Variants in PSD3 observed in about 807,000 individuals in gnomAD.
PSD3 encodes pleckstrin and Sec7 domain containing 3.
In PSD3, 49 loss-of-function variants were observed where a neutral mutation model predicts 105.5. That is an observed-to-expected ratio of 0.46 (90% CI 0.37 to 0.59). The LOEUF is 0.59. Ranked by LOEUF, PSD3 falls within the 20% of genes least tolerant of loss-of-function variation. The pLI is 0.00. For synonymous variants in PSD3, 557 were observed against 457.8 expected, an observed-to-expected ratio of 1.22 and a Z score of -2.77; for missense variants, 1,561 against 1,263.8, an observed-to-expected ratio of 1.24 and a Z score of -3.57.
At chr8:18,877,411 T>A (rs1586303545) in intron 2 of PSD3, among the ~76,000 whole-genome samples, 1 of 152,314 alleles carries the variant, frequency 6.6e-6, no homozygotes, top group East Asian at 1.9e-4. Context: ...GAGCTATCTG[T>A]TGAAAAGACT....
intron 1 of PSD3, among the ~76,000 whole-genome samples, chr8:19,038,385 T>A (rs911974747): frequency 3.3e-5 from 5 of 152,178 alleles, no homozygotes; most frequent in African/African-American, 1.2e-4. Context: ...TCAAGAGAAG[T>A]CTTCTTCCTG....
In PSD3 at chr8:18,871,667, C is replaced by T. The variant is rs748034825; in HGVS notation, c.1197G>A (p.Gln399=). ...CTGGTTTAGGTGTCTTCTCAAGATG[C>T]TGTTTGTTTTCCTGTAGGAAGACTT... ...EDEVFLQENK[Q]HLEKTPKPER... is the part of the protein sequence containing the mutation. The change falls in exon 3 of 16, where the codon CAG becomes CAA. Residue 399 remains glutamine, a synonymous_variant. Transcript: ENST00000327040. 16 of 1,612,758 alleles carry T rather than the reference C, an allele frequency of 9.9e-6. No individual in the cohort carries two copies. Among genetic ancestry groups the T allele is most frequent in the Non-Finnish European group, 1.3e-5 (15 of 1,179,484 alleles).
intron 9 of PSD3, among the ~76,000 whole-genome samples, chr8:18,719,885 T>A (rs1297967946): frequency 6.6e-6 from 1 of 152,232 alleles, no homozygotes; most frequent in East Asian, 1.9e-4. Flanking sequence ...ACAATAGTTC[T>A]TTTGTATATC....
chr8:19,060,775 C>G (rs568587741), intron 1 of PSD3, among the ~76,000 whole-genome samples: 6 of 152,252 alleles, frequency 3.9e-5, no homozygotes, highest in African/African-American at 1.4e-4. Flanking sequence ...ATGATTCCCT[C>G]AATTATAAAG....
intron 14 of PSD3, among the ~76,000 whole-genome samples, chr8:18,557,718 C>T (rs916807436): frequency 2.6e-5 from 4 of 152,160 alleles, no homozygotes; most frequent in Non-Finnish European, 5.9e-5. Flanking sequence ...GAAAAGAAAC[C>T]TATTTTGAGA....
At chr8:18,636,446 T>C (rs1490409208) in intron 10 of PSD3, among the ~76,000 whole-genome samples, 1 of 152,178 alleles carries the variant, frequency 6.6e-6, no homozygotes, top group Non-Finnish European at 1.5e-5. Context: ...AGTTACAGTA[T>C]GCTGATGTTA....
intron 9 of PSD3, among the ~76,000 whole-genome samples, chr8:18,695,555 A>C (rs1801212661): frequency 6.6e-6 from 1 of 152,242 alleles, no homozygotes; most frequent in Admixed American, 6.5e-5. Context: ...ACGAAACAAT[A>C]CATATAATAT....
At chr8:18,877,672 G>C (rs1254466090) in intron 2 of PSD3, among the ~76,000 whole-genome samples, 2 of 151,720 alleles carry the variant, frequency 1.3e-5, no homozygotes, top group African/African-American at 4.8e-5. Flanking sequence ...CTTCCGAGTA[G>C]CTGGGGCTAT....
At chr8:18,711,192 G>A (rs1010567601) in intron 9 of PSD3, among the ~76,000 whole-genome samples, 2 of 152,098 alleles carry the variant, frequency 1.3e-5, no homozygotes, top group Non-Finnish European at 2.9e-5. Context: ...ACATACTGAA[G>A]TACACAGACC....
intron 12 of PSD3, among the ~76,000 whole-genome samples, chr8:18,594,215 ATTATATATATTATATAATATATATTAT>A (rs1803861006): frequency 3.3e-4 from 2 of 6,112 alleles, no homozygotes; most frequent in South Asian, 0.014. Context: ...AATATATATT[ATTATATATATTATATAATATATATTAT>A]TATATATATT....
intron 8 of PSD3, among the ~76,000 whole-genome samples, chr8:18,788,705 T>G (rs146804309): frequency 6.6e-6 from 1 of 152,270 alleles, no homozygotes; most frequent in Non-Finnish European, 1.5e-5. Flanking sequence ...TCTCAGGATA[T>G]TAAAAACACA....
chr8:18,808,716 A>G (rs1396766586), intron 4 of PSD3: 1 of 1,613,856 alleles, frequency 6.2e-7, no homozygotes, highest in Admixed American at 1.7e-5. Flanking sequence ...CTCCTTTTAA[A>G]TCAGAAAGCT....
At chr8:19,026,839 C>T (rs562495759) in intron 1 of PSD3, among the ~76,000 whole-genome samples, 69 of 152,044 alleles carry the variant, frequency 4.5e-4, no homozygotes, top group African/African-American at 1.7e-3. Context: ...CATCACTGCA[C>T]TCTAGCCCTG....
chr8:18,565,500 T>A (rs1801681854), intron 14 of PSD3, among the ~76,000 whole-genome samples: 1 of 152,168 alleles, frequency 6.6e-6, no homozygotes, highest in Admixed American at 6.5e-5. Flanking sequence ...GTGTTTTGCA[T>A]AAAAGACAAG....
At chr8:18,613,163 C>G (rs776977412) in intron 11 of PSD3, among the ~76,000 whole-genome samples, 3 of 152,116 alleles carry the variant, frequency 2.0e-5, no homozygotes, top group Non-Finnish European at 4.4e-5. Flanking sequence ...CCAAGGACCC[C>G]TCCTGCCCCC....
At chr8:18,571,113 G>A (rs1031964161) in intron 14 of PSD3, among the ~76,000 whole-genome samples, 9 of 151,926 alleles carry the variant, frequency 5.9e-5, no homozygotes, top group Admixed American at 3.3e-4. Context: ...TGCCCACCTC[G>A]GCTTCCAAAA....
At chr8:18,862,278 C>T (rs934633304) in intron 4 of PSD3, among the ~76,000 whole-genome samples, 13 of 151,546 alleles carry the variant, frequency 8.6e-5, no homozygotes, top group African/African-American at 2.7e-4. Flanking sequence ...TTCAAAAATA[C>T]GCACCTAGAA....
At chr8:19,012,587 T>C (rs1444067247) in intron 1 of PSD3, among the ~76,000 whole-genome samples, 1 of 152,114 alleles carries the variant, frequency 6.6e-6, no homozygotes, top group African/African-American at 2.4e-5. Context: ...TCCTCTGAGA[T>C]CCTCCATGGT....
At chr8:19,017,950 G>A (rs1052961925), upstream of PSD3, among the ~76,000 whole-genome samples, 27 of 152,114 alleles carry the variant, frequency 1.8e-4, no homozygotes, top group East Asian at 3.9e-3. Context: ...GGGTTATATC[G>A]TGACTGTATA....
Sources: gnomAD v4.1 joint callset for allele counts (sites outside exome capture counted in the v4.1 genomes callset) on GRCh38, gnomAD v4.1.1 for gene constraint, MANE v1.5 for transcripts, NCBI Gene and HGNC (gene_info 2026-07-23, HGNC 2026-07-21) for gene names.